The following CALCR variants were observed in gnomAD, a reference collection of about 807,000 sequenced individuals.
CALCR encodes the protein calcitonin receptor.
Under a neutral mutation model 59.5 loss-of-function variants are expected in CALCR, and 47 were observed. The ratio of observed to expected loss-of-function variants is 0.79; its 90% CI spans 0.63 to 1.01. CALCR has a LOEUF of 1.01. Ranked by LOEUF, CALCR falls within the 50% of genes least tolerant of loss-of-function variation. CALCR has a pLI of 0.00. For missense variants in CALCR, 566 were observed against 597.1 expected (o/e 0.95, Z 0.54); for synonymous variants, 213 against 211.3 (o/e 1.01, Z -0.07).
intron 2 of CALCR, among the ~76,000 whole-genome samples, chr7:93,494,296 G>A (rs547319421): frequency 6.6e-6 from 1 of 151,470 alleles, no homozygotes; most frequent in African/African-American, 2.4e-5. Flanking sequence ...AAAATGAGGA[G>A]CATTGGAGGC....
intron 2 of CALCR, among the ~76,000 whole-genome samples, chr7:93,504,570 G>T (rs922500415): frequency 2.0e-5 from 3 of 152,098 alleles, no homozygotes; most frequent in African/African-American, 4.8e-5. Context: ...TCGTAAATAT[G>T]TCTACCATGA....
At chr7:93,451,326 A>G (rs1229524806) in intron 8 of CALCR, among the ~76,000 whole-genome samples, 1 of 152,012 alleles carries the variant, frequency 6.6e-6, no homozygotes, top group Non-Finnish European at 1.5e-5. Flanking sequence ...GCCAAATTCA[A>G]TTACATGTGA....
chr7:93,468,842 T>A (rs757922190), intron 6 of CALCR, 36 bp from the exon 7 acceptor site: 17 of 508,134 alleles, frequency 3.3e-5, no homozygotes, highest in South Asian at 1.3e-4. Context: ...AAACAATGAA[T>A]GAATGATTCA....
intron 2 of CALCR, among the ~76,000 whole-genome samples, chr7:93,528,409 T>C (rs1206281225): frequency 1.3e-5 from 2 of 152,200 alleles, no homozygotes; most frequent in African/African-American, 4.8e-5. Flanking sequence ...GTATATCCCC[T>C]AATGCTATCC....
chr7:93,429,853 T>TAA (rs35317327), intron 13 of CALCR, among the ~76,000 whole-genome samples: 39 of 139,430 alleles, frequency 2.8e-4, no homozygotes, highest in African/African-American at 8.8e-4. Context: ...AAATCATGAT[T>TAA]AAAAAAAAAA....
chr7:93,546,173 T>C (rs1789279948), intron 2 of CALCR, among the ~76,000 whole-genome samples: 2 of 152,136 alleles, frequency 1.3e-5, no homozygotes, highest in South Asian at 2.1e-4. Flanking sequence ...AGTCCAGGTA[T>C]CATGCCAGGT....
chr7:93,456,522 G>T (rs1800211617), intron 8 of CALCR, among the ~76,000 whole-genome samples: 2 of 151,992 alleles, frequency 1.3e-5, no homozygotes, highest in African/African-American at 4.8e-5. Context: ...TTCCATGTGA[G>T]ACTTGGCTCA....
At chr7:93,474,745 G>GT (rs1224987384) in intron 5 of CALCR, among the ~76,000 whole-genome samples, 1 of 151,726 alleles carries the variant, frequency 6.6e-6, no homozygotes, top group Non-Finnish European at 1.5e-5. Flanking sequence ...GATTTTGCAA[G>GT]TGTATTTGGA....
rs548330176 is a variant in CALCR, at chr7:93,467,559, G to A, written c.521+1156C>T. ...AAAAATCAAATTAAGATTCTACTAT[G>A]TTTTAAATTTATTTTTTGCGGTAAA... On this transcript the variant is annotated intron_variant, in intron 7 of 13. Transcript: ENST00000426151. 3.3e-5 allele frequency among the ~76,000 whole-genome samples: 5 copies of A among 151,684 alleles called. No homozygotes were observed. In the East Asian group the frequency reaches 9.7e-4, roughly 30 times the overall value.
At chr7:93,480,574 C>T (rs1392682089) in intron 3 of CALCR, among the ~76,000 whole-genome samples, 2 of 151,860 alleles carry the variant, frequency 1.3e-5, no homozygotes, top group African/African-American at 2.4e-5. Flanking sequence ...AAACAAAACT[C>T]ATCCCTATTA....
intron 8 of CALCR, among the ~76,000 whole-genome samples, chr7:93,460,282 G>T (rs536970224): frequency 9.8e-4 from 149 of 152,064 alleles, no homozygotes; most frequent in Non-Finnish European, 1.5e-3. Flanking sequence ...TGGGCCGGGT[G>T]TGGTGGCTCA....
chr7:93,518,855 A>C (rs1444653075), intron 2 of CALCR, among the ~76,000 whole-genome samples: 1 of 151,650 alleles, frequency 6.6e-6, no homozygotes, highest in Non-Finnish European at 1.5e-5. Flanking sequence ...TGTTTCTAAT[A>C]AACATACATT....
chr7:93,452,041 G>T (rs1321299571), intron 8 of CALCR, among the ~76,000 whole-genome samples: 2 of 151,920 alleles, frequency 1.3e-5, no homozygotes, highest in East Asian at 1.9e-4. Flanking sequence ...AGAGAGGAAG[G>T]TATGTGTTGA....
chr7:93,436,276 A>G, intron 11 of CALCR, 106 bp from the exon 12 acceptor site: 1 of 870,156 alleles, frequency 1.1e-6, no homozygotes. Flanking sequence ...AATGTTACCT[A>G]CATAGAACAT....
intron 6 of CALCR, among the ~76,000 whole-genome samples, chr7:93,469,910 G>A (rs1210229174): frequency 1.3e-5 from 2 of 151,618 alleles, no homozygotes; most frequent in Middle Eastern, 3.2e-3. Context: ...TTTGATTCTT[G>A]TCAATTTCCT....
At position 93,472,437 on chromosome 7, in the gene CALCR, C is replaced by G. The variant is rs1175874089; in HGVS notation, c.367G>C (p.Glu123Gln). The part of the protein sequence containing the change: ...DEKGVWFKHP[E>Q]NNRTWSNYTM... ...TAGTTGGACCAGGTTCGATTGTTTT[C>G]AGGATGTTTAAACCAAACACCTTTT... The change falls in exon 6 of 14, where the codon GAA becomes CAA. Residue 123 changes from glutamate (E) to glutamine (Q), a missense_variant. Physicochemically the swap from Glu to Gln is conservative, Grantham distance 29 (BLOSUM62 2). Transcript: ENST00000426151. 1 of 1,610,764 alleles carries G rather than the reference C, an allele frequency of 6.2e-7. No individual in the cohort carries two copies.
chr7:93,431,530 G>C (rs1347233937), intron 13 of CALCR, among the ~76,000 whole-genome samples: 1 of 152,222 alleles, frequency 6.6e-6, no homozygotes, highest in Non-Finnish European at 1.5e-5. Flanking sequence ...CGAGGGCTTA[G>C]TAGTAAGGGG....
intron 2 of CALCR, among the ~76,000 whole-genome samples, chr7:93,506,834 G>A (rs962547883): frequency 6.6e-6 from 1 of 152,120 alleles, no homozygotes; most frequent in African/African-American, 2.4e-5. Flanking sequence ...ATCCTCACCT[G>A]TTATGAGAAG....
chr7:93,547,323 C>T (rs1789315890), intron 2 of CALCR, among the ~76,000 whole-genome samples: 1 of 152,108 alleles, frequency 6.6e-6, no homozygotes, highest in African/African-American at 2.4e-5. Context: ...TTTCTGAATG[C>T]AGAAAACTTT....
Sources: allele counts gnomAD v4.1 joint callset (sites outside exome capture counted in the v4.1 genomes callset), GRCh38; gene constraint gnomAD v4.1.1; transcripts MANE v1.5; gene names NCBI Gene and HGNC (gene_info 2026-07-23, HGNC 2026-07-21).